CTSS: variants seen among roughly 807,000 people sequenced by gnomAD.
The protein encoded by CTSS is cathepsin S.
In CTSS, 15 loss-of-function variants were observed where a neutral mutation model predicts 39.9. That is an observed-to-expected ratio of 0.38 (90% confidence interval 0.25 to 0.58). The LOEUF is 0.58. CTSS is among the 20% of genes least tolerant of loss of function. CTSS has a pLI of 0.70. For synonymous variants in CTSS, 126 were observed against 138.2 expected, an observed-to-expected ratio of 0.91 and a Z score of 0.62; for missense variants, 250 against 398.2, an observed-to-expected ratio of 0.63 and a Z score of 3.17.
At chr1:150,738,477 T>C (rs996982878) in intron 7 of CTSS, among the ~76,000 whole-genome samples, 40 of 151,874 alleles carry the variant, frequency 2.6e-4, no homozygotes, top group Admixed American at 1.9e-3. Flanking sequence ...GTTATGGTGA[T>C]CTGTGATCAG....
chr1:150,745,825 T>G (rs1034083570), intron 7 of CTSS, among the ~76,000 whole-genome samples: 3 of 152,166 alleles, frequency 2.0e-5, no homozygotes, highest in Admixed American at 1.3e-4. Context: ...TCAAACTTTT[T>G]TTTTTAATTA....
intron 2 of CTSS, among the ~76,000 whole-genome samples, chr1:150,758,746 C>T (rs918369582): frequency 1.3e-4 from 19 of 151,692 alleles, no homozygotes; most frequent in African/African-American, 4.4e-4. Context: ...GAGACTGGGT[C>T]TCCCTATGTT....
At chr1:150,748,668 A>G (rs1283345386) in intron 6 of CTSS, among the ~76,000 whole-genome samples, 2 of 151,188 alleles carry the variant, frequency 1.3e-5, no homozygotes, top group African/African-American at 4.9e-5. Context: ...TGTAACCTCA[A>G]TCTCCTAGGC....
intron 7 of CTSS, among the ~76,000 whole-genome samples, chr1:150,744,603 T>C (rs1652853503): frequency 8.5e-6 from 1 of 117,990 alleles, no homozygotes; most frequent in Non-Finnish European, 1.7e-5. Flanking sequence ...ATGTATATTA[T>C]GTATTATATT....
chr1:150,751,140 CAGTG>C (rs1652997756), intron 5 of CTSS, among the ~76,000 whole-genome samples: 1 of 151,960 alleles, frequency 6.6e-6, no homozygotes, highest in East Asian at 1.9e-4. Context: ...TTTAGCTTCT[CAGTG>C]GGTGGAAGAA....
chr1:150,757,939 T>A lies in CTSS; in HGVS notation c.168A>T (p.Leu56=). ...AVRRLIWEKN[L]KFVMLHNLEH... ...CCAGGTTGTGAAGCATCACAAACTT[T>A]AGATTCTTTTCCCAGATGAGACGTC... is the stretch of plus-strand genomic sequence containing the variant. Residue 56 remains leucine (L), a synonymous_variant, in exon 3 of 8, where the codon CTA becomes CTT. Transcript: ENST00000368985. 6.2e-7 allele frequency: 1 copy of A among 1,614,052 alleles called. No individual in the cohort carries two copies. Among genetic ancestry groups the A allele is most frequent in the African/African-American group, 1.3e-5 (1 of 75,046 alleles).
At chr1:150,740,581 A>T (rs1221967764) in intron 7 of CTSS, among the ~76,000 whole-genome samples, 1 of 151,998 alleles carries the variant, frequency 6.6e-6, no homozygotes, top group Non-Finnish European at 1.5e-5. Flanking sequence ...TTTAGTAGAG[A>T]CAGGGTTTCA....
At chr1:150,742,086 A>G (rs1459310449) in intron 7 of CTSS, among the ~76,000 whole-genome samples, 2 of 151,914 alleles carry the variant, frequency 1.3e-5, no homozygotes, top group Non-Finnish European at 2.9e-5. Context: ...GTGAAACTCC[A>G]TCTCTACTAA....
At position 150,748,288 on chromosome 1, in the gene CTSS, TA is replaced by T. The variant is rs75569024; in HGVS notation, c.794-410del. On this transcript the variant is annotated intron_variant, in intron 6 of 7. Transcript: ENST00000368985. The stretch of plus-strand genomic sequence containing the variant: ...CTGGCAACAGAGCAAGACTCCATCT[TA>T]AAAAAAAAAAAAAAAGTCAAGGACA... 1,212 of 132,986 alleles carry T rather than the reference TA, an allele frequency of 9.1e-3. 2 individuals carry two copies. Among genetic ancestry groups the T allele is most frequent in the African/African-American group, 0.017 (604 of 35,954 alleles). 8.2% of individuals were successfully genotyped at this position (132,986 alleles called of 1,614,324 possible). A position where few individuals can be genotyped will look rare whatever the true frequency, so the allele number is the denominator to read the frequency against.
At chr1:150,753,534 A>C (rs1418107101) in intron 4 of CTSS, among the ~76,000 whole-genome samples, 1 of 152,252 alleles carries the variant, frequency 6.6e-6, no homozygotes, top group African/African-American at 2.4e-5. Context: ...CTTCTCAAGC[A>C]ATTGGCTTAT....
In CTSS at chr1:150,732,465, T is replaced by C. The variant is rs1363342685; in HGVS notation, c.*581A>G. On this transcript the variant is annotated 3_prime_UTR_variant, in exon 8 of 8. Transcript: ENST00000368985. ...TTAGGGGTCTTAAAAAGACAAAGAGTATACAATAAAACAATAAGCAATTAC... is the reference window on the plus strand; with the variant it reads ...TTAGGGGTCTTAAAAAGACAAAGAGCATACAATAAAACAATAAGCAATTAC... The C allele has an allele frequency of 2.0e-5, 3 of 152,100 alleles. No individual in the cohort carries two copies. In the East Asian group the frequency reaches 5.8e-4, roughly 29 times the overall value. 9.4% of individuals were successfully genotyped at this position (152,100 alleles called of 1,614,324 possible).
At chr1:150,749,948 A>G (rs1191162064) in intron 6 of CTSS, 58 bp downstream of exon 6, 1 of 1,441,906 alleles carries the variant, frequency 6.9e-7, no homozygotes, top group Non-Finnish European at 9.3e-7. Flanking sequence ...CACCGTGCTC[A>G]GCCAATATCC....
chr1:150,765,221 A>C (rs1214903529), intron 1 of CTSS, among the ~76,000 whole-genome samples: 3 of 151,988 alleles, frequency 2.0e-5, no homozygotes, highest in Non-Finnish European at 4.4e-5. Flanking sequence ...CAGTCTTTAC[A>C]GATAGTTAAA....
chr1:150,760,058 A>G (rs1653220792), intron 2 of CTSS, among the ~76,000 whole-genome samples: 1 of 151,922 alleles, frequency 6.6e-6, no homozygotes, highest in Non-Finnish European at 1.5e-5. Context: ...GCACTTTGAG[A>G]TCAATTATAA....
chr1:150,732,689 G>A lies in CTSS; in HGVS notation c.*357C>T, dbSNP rs1652549042. 5.8e-6 allele frequency: 1 copy of A among 172,596 alleles called. No individual in the cohort carries two copies. The highest frequency in any genetic ancestry group is 1.2e-5 in the Non-Finnish European group (1 of 81,022). The allele number at this position is 172,596 out of a possible 1,614,324, so 10.7% of individuals were successfully genotyped here. ...AGTGGTGTGATCTCAGCTCAACATA[G>A]CCTCAACCTCTTGGGTTCAAGGAAT... On this transcript the variant is annotated 3_prime_UTR_variant, in exon 8 of 8. Transcript: ENST00000368985.
At position 150,730,469 on chromosome 1, in the gene CTSS, C is replaced by T. The variant is rs978634278; in HGVS notation, c.*2577G>A. On this transcript the variant is annotated 3_prime_UTR_variant, in exon 8 of 8. Coordinates refer to ENST00000368985, the MANE Select transcript of CTSS (RefSeq NM_004079.5). ...TTTTCTCTGGGTGCCAGGAGAGCAC[C>T]TCTTACATGACAGTCTTATGATCTA... 2.0e-5 allele frequency: 3 copies of T among 152,086 alleles called. No homozygotes were observed. Among genetic ancestry groups the T allele is most frequent in the Non-Finnish European group, 4.4e-5 (3 of 68,014 alleles). 9.4% of individuals were successfully genotyped at this position (152,086 alleles called of 1,614,324 possible).
intron 2 of CTSS, among the ~76,000 whole-genome samples, chr1:150,759,021 A>G (rs1653196402): frequency 7.2e-6 from 1 of 138,308 alleles, no homozygotes; most frequent in African/African-American, 2.7e-5. Context: ...GCTTATTTTT[A>G]TTTTTATTTT....
chr1:150,760,239 T>A (rs996287595), intron 2 of CTSS, among the ~76,000 whole-genome samples: 2 of 152,184 alleles, frequency 1.3e-5, no homozygotes, highest in Non-Finnish European at 2.9e-5. Context: ...GTGAAATTCA[T>A]CACCACCAAC....
At chr1:150,758,534 T>C (rs1352359876) in intron 2 of CTSS, among the ~76,000 whole-genome samples, 2 of 152,044 alleles carry the variant, frequency 1.3e-5, no homozygotes, top group African/African-American at 4.8e-5. Flanking sequence ...ACATTTATTA[T>C]TATTATTATT....
Sources: gnomAD v4.1 joint callset for allele counts (sites outside exome capture counted in the v4.1 genomes callset) on GRCh38, gnomAD v4.1.1 for gene constraint, MANE v1.5 for transcripts, NCBI Gene and HGNC (gene_info 2026-07-23, HGNC 2026-07-21) for gene names.